The following CNBP variants were observed in gnomAD, a reference collection of about 807,000 sequenced individuals.
CNBP encodes the protein cellular nucleic acid-binding protein.
In CNBP, 6 loss-of-function variants were observed where a neutral mutation model predicts 21.2. The ratio of observed to expected loss-of-function variants is 0.28; its 90% CI spans 0.16 to 0.56. The LOEUF (loss-of-function observed/expected upper bound fraction) is 0.56, where lower values mean the gene tolerates loss of function less well. Among genes scored for constraint, CNBP ranks in the 20% least tolerant of loss-of-function variants. CNBP has a pLI of 0.93. For missense variants in CNBP, 112 were observed against 233.1 expected (o/e 0.48, Z 3.38); for synonymous variants, 61 against 74.9 (o/e 0.81, Z 0.96).
At chr3:129,176,790 C>A (rs1461688317) in intron 1 of CNBP, among the ~76,000 whole-genome samples, 1 of 152,128 alleles carries the variant, frequency 6.6e-6, no homozygotes, top group Non-Finnish European at 1.5e-5. Flanking sequence ...GGATTAGGGC[C>A]AACCACTCAA....
At chr3:129,174,756 T>C (rs1383815595) in intron 1 of CNBP, among the ~76,000 whole-genome samples, 1 of 152,106 alleles carries the variant, frequency 6.6e-6, no homozygotes, top group African/African-American at 2.4e-5. Context: ...TTCTCCAATT[T>C]AGTCAGATCA....
chr3:129,178,158 CAAAA>C lies in CNBP; in HGVS notation c.-15+5614_-15+5617del, dbSNP rs368723690. Among the ~76,000 whole-genome samples, 395 of 103,854 alleles carry C rather than the reference CAAAA, an allele frequency of 3.8e-3. 3 individuals are homozygous for C. Among genetic ancestry groups the C allele is most frequent in the African/African-American group, 0.016 (385 of 23,510 alleles). 68.1% of individuals were successfully genotyped at this position (103,854 alleles called of 152,430 possible). The stretch of plus-strand genomic sequence containing the variant: ...TGGGCAACAGAGCAAGACTCTGTCT[CAAAA>C]AAAAAAAAAAAAAAAAATAAGGTCT... On this transcript the variant is annotated intron_variant, in intron 1 of 4. Coordinates refer to ENST00000422453, the MANE Select transcript of CNBP (RefSeq NM_003418.5).
At position 129,170,447 on chromosome 3, in the gene CNBP, A is replaced by C; in HGVS notation, c.*6T>G. The C allele has an allele frequency of 6.2e-7, 1 of 1,609,894 alleles. No homozygotes were observed. Among genetic ancestry groups the C allele is most frequent in the South Asian group, 1.1e-5 (1 of 90,994 alleles). ...CAGAAAAAGGAGGGGCGACAAAGGA[A>C]AATAATTAGGCTGTAGCCTCAATTG... On this transcript the variant is annotated 3_prime_UTR_variant, in exon 5 of 5. Coordinates refer to ENST00000422453, the MANE Select transcript of CNBP (RefSeq NM_003418.5).
intron 1 of CNBP, among the ~76,000 whole-genome samples, chr3:129,181,698 A>T (rs1938313570): frequency 6.6e-6 from 1 of 150,436 alleles, no homozygotes; most frequent in Non-Finnish European, 1.5e-5. Flanking sequence ...TTGGTTCAAA[A>T]TATTTTACAG....
Position 129,171,073 on chromosome 3 carries a change from C to A in CNBP, c.416+6G>T. On this transcript the variant is annotated splice_donor_region_variant and intron_variant, in intron 4 of 4. Coordinates refer to ENST00000422453, the MANE Select transcript of CNBP (RefSeq NM_003418.5). The stretch of plus-strand genomic sequence containing the variant: ...GTTTTCTTCTAACAACATTCTGACA[C>A]CTTACCTATAGCACTTCACTTTGGT... The A allele has an allele frequency of 6.2e-7, 1 of 1,609,894 alleles. No individual in the cohort carries two copies.
At position 129,180,959 on chromosome 3, in the gene CNBP, G is replaced by A. The variant is rs535376583; in HGVS notation, c.-15+2817C>T. 2.6e-5 allele frequency among the ~76,000 whole-genome samples: 4 copies of A among 152,012 alleles called. No individual in the cohort carries two copies. In the South Asian group the frequency reaches 8.3e-4, roughly 32 times the overall value. The stretch of plus-strand genomic sequence containing the variant: ...CTTTAAAAGACAAGTAGAATTGTTG[G>A]CAAGGCACGGTGGCTCAGGCCTGTA... On this transcript the variant is annotated intron_variant, in intron 1 of 4. Coordinates refer to ENST00000422453, the MANE Select transcript of CNBP (RefSeq NM_003418.5).
chr3:129,171,519 C>T lies in CNBP; in HGVS notation c.144G>A (p.Ser48=), dbSNP rs367980822. Reference sequence around the variant, plus strand: ...AGCGATAACAAATGTCTGGAAGAGACGAGGAAACAAACTGGAAACCTGTTT... The same window carrying T: ...AGCGATAACAAATGTCTGGAAGAGATGAGGAAACAAACTGGAAACCTGTTT... The part of the protein sequence containing the change: ...TSDRGFQFVS[S]SLPDICYRCG... The change falls in exon 3 of 5, where the codon TCG becomes TCA. Residue 48 remains serine (S), a synonymous_variant. Coordinates refer to ENST00000422453, the MANE Select transcript of CNBP (RefSeq NM_003418.5). 8.7e-6 allele frequency: 14 copies of T among 1,613,830 alleles called. No individual in the cohort carries two copies. The highest frequency in any genetic ancestry group is 6.7e-5 in the Admixed American group (4 of 59,986).
At chr3:129,173,584 T>C (rs1372146313) in intron 1 of CNBP, among the ~76,000 whole-genome samples, 2 of 152,132 alleles carry the variant, frequency 1.3e-5, no homozygotes, top group African/African-American at 2.4e-5. Flanking sequence ...CATTTTAAAA[T>C]AAAAATAAAA....
chr3:129,169,593 G>C lies in CNBP; in HGVS notation c.*860C>G, dbSNP rs1007472450. On this transcript the variant is annotated 3_prime_UTR_variant, in exon 5 of 5. Coordinates refer to ENST00000422453, the MANE Select transcript of CNBP (RefSeq NM_003418.5). ...TAGTCAAACTCCCCTTCCTCCTCCA[G>C]CTTTATTGGAATAGTTTAAAATTAC... 4.8e-6 allele frequency: 1 copy of C among 208,500 alleles called. No individual in the cohort carries two copies. The highest frequency in any genetic ancestry group is 9.8e-6 in the Non-Finnish European group (1 of 102,328). The allele number at this position is 208,500 out of a possible 1,614,324, so 12.9% of individuals were successfully genotyped here.
chr3:129,171,263 C>T lies in CNBP; in HGVS notation c.232G>A (p.Gly78Ser). 1.1e-5 allele frequency: 18 copies of T among 1,614,198 alleles called. No individual in the cohort carries two copies. Among genetic ancestry groups the T allele is most frequent in the Non-Finnish European group, 1.5e-5 (18 of 1,180,034 alleles). ...TCCTTGGCAATGTGGCCACCTCTAC[C>T]GCAGTTATAGCAGGCTTCAACAATA... ...DLQEDACYNC[G>S]RGGHIAKDCK... Residue 78 changes from glycine to serine, a missense_variant, in exon 4 of 5, where the codon GGT becomes AGT. By Grantham distance (56) the Gly-to-Ser change is moderately conservative. Coordinates refer to ENST00000422453, the MANE Select transcript of CNBP (RefSeq NM_003418.5).
intron 1 of CNBP, among the ~76,000 whole-genome samples, chr3:129,172,640 G>GGCAGC (rs1937615757): frequency 2.9e-5 from 1 of 34,314 alleles, no homozygotes; most frequent in Non-Finnish European, 9.0e-5. Flanking sequence ...AGGCAGGCAG[G>GGCAGC]CAGGCAGGCA....
At chr3:129,180,297 CATA>C (rs897104163) in intron 1 of CNBP, among the ~76,000 whole-genome samples, 2 of 152,128 alleles carry the variant, frequency 1.3e-5, no homozygotes, top group South Asian at 2.1e-4. Flanking sequence ...GATCTACAGT[CATA>C]ATAATTTTGA....
chr3:129,169,983 G>A lies in CNBP; in HGVS notation c.*470C>T, dbSNP rs1287972773. On this transcript the variant is annotated 3_prime_UTR_variant, in exon 5 of 5. Coordinates refer to ENST00000422453, the MANE Select transcript of CNBP (RefSeq NM_003418.5). ...TTTGTTTACTCCCACTCAACTGTAT[G>A]TTCTATGTAGGGCCTGATACAGATG... The A allele has an allele frequency of 4.3e-6, 1 of 235,038 alleles. No individual in the cohort carries two copies. Among genetic ancestry groups the A allele is most frequent in the Non-Finnish European group, 8.4e-6 (1 of 118,736 alleles). 14.6% of individuals were successfully genotyped at this position (235,038 alleles called of 1,614,324 possible).
At chr3:129,182,930 C>T (rs925910481) in intron 1 of CNBP, among the ~76,000 whole-genome samples, 2 of 108,550 alleles carry the variant, frequency 1.8e-5, no homozygotes, top group African/African-American at 3.7e-5. Flanking sequence ...TCTTCAGGAA[C>T]CCTTTGTTGT....
At chr3:129,181,520 G>A (rs1207756386) in intron 1 of CNBP, among the ~76,000 whole-genome samples, 2 of 149,306 alleles carry the variant, frequency 1.3e-5, no homozygotes, top group African/African-American at 2.5e-5. Flanking sequence ...GTGTGGCGGC[G>A]GGCGCCTGTA....
rs1046579928 is a variant in CNBP, at chr3:129,168,205, C to T, written c.*2248G>A. On this transcript the variant is annotated 3_prime_UTR_variant, in exon 5 of 5. Coordinates refer to ENST00000422453, the MANE Select transcript of CNBP (RefSeq NM_003418.5). ...AGTGAATAATGGTTGAAGTTCCAGG[C>T]TCTAACTGTACATCCTTAAGTAAAT... Among the ~76,000 whole-genome samples the T allele has an allele frequency of 6.6e-6, 1 of 152,148 alleles. No individual in the cohort carries two copies. Among genetic ancestry groups the T allele is most frequent in the Non-Finnish European group, 1.5e-5 (1 of 68,036 alleles).
At chr3:129,172,094 C>A (rs1433913846) in intron 1 of CNBP, among the ~76,000 whole-genome samples, 1 of 151,628 alleles carries the variant, frequency 6.6e-6, no homozygotes, top group East Asian at 2.0e-4. Flanking sequence ...TGGTGTGAAC[C>A]CAGGAGGCGG....
chr3:129,183,267 C>T (rs145695731), intron 1 of CNBP, among the ~76,000 whole-genome samples: 42 of 152,222 alleles, frequency 2.8e-4, no homozygotes, highest in African/African-American at 1.0e-3. Context: ...TTTTCTAAGG[C>T]CCCCAAAACC....
chr3:129,180,344 A>G (rs1348963388), intron 1 of CNBP, among the ~76,000 whole-genome samples: 1 of 152,268 alleles, frequency 6.6e-6, no homozygotes, highest in Non-Finnish European at 1.5e-5. Flanking sequence ...ATCTTAAAAA[A>G]TATTTTCTTT....
Sources: gnomAD v4.1 joint callset for allele counts (sites outside exome capture counted in the v4.1 genomes callset) on GRCh38, gnomAD v4.1.1 for gene constraint, MANE v1.5 for transcripts, NCBI Gene and HGNC (gene_info 2026-07-23, HGNC 2026-07-21) for gene names.